Variants in TMEM52B observed in about 807,000 individuals in gnomAD.
TMEM52B encodes transmembrane protein 52B.
In TMEM52B, 11 loss-of-function variants were observed where a neutral mutation model predicts 16.1. The observed-to-expected ratio is 0.68, with a 90% CI of 0.43 to 1.13. The LOEUF (loss-of-function observed/expected upper bound fraction) is 1.13. Ranked by LOEUF, TMEM52B falls within the 50% of genes most tolerant of loss-of-function variation. TMEM52B has a pLI of 0.00. For synonymous variants in TMEM52B, 101 were observed against 93.8 expected (o/e 1.08, Z -0.45); for missense variants, 243 against 230.4 (o/e 1.05, Z -0.35).
rs1948953633 is a variant in TMEM52B at position 10,191,144 on chromosome 12, A to G, written c.*1004A>G. The G allele has an allele frequency of 6.6e-6, 1 of 152,188 alleles. No individual in the cohort carries two copies. 9.4% of individuals were successfully genotyped at this position (152,188 alleles called of 1,614,324 possible). A position where few individuals can be genotyped will look rare whatever the true frequency, so the allele number is the denominator to read the frequency against. ...CTATCCACAAAACATACCACCTCCC[A>G]AAGTATTATTATTGGAAAATCGAGG... is the stretch of plus-strand genomic sequence containing the variant. On this transcript the variant is annotated 3_prime_UTR_variant, in exon 5 of 5. Transcript: ENST00000543484.
Position 10,190,245 on chromosome 12 carries a change from C to T in TMEM52B, c.*105C>T. Reference sequence around the variant, plus strand: ...TCAGAAGTTTTAAGATGGCATCTAACACCATCATTCTATGGGAAAGATGGT... The same window carrying T: ...TCAGAAGTTTTAAGATGGCATCTAATACCATCATTCTATGGGAAAGATGGT... On this transcript the variant is annotated 3_prime_UTR_variant, in exon 5 of 5. Transcript: ENST00000543484. 1 of 1,381,054 alleles carries T rather than the reference C, an allele frequency of 7.2e-7. No homozygotes were observed. The highest frequency in any genetic ancestry group is 1.0e-6 in the Non-Finnish European group (1 of 997,674). 85.5% of individuals were successfully genotyped at this position (1,381,054 alleles called of 1,614,324 possible).
Position 10,189,881 on chromosome 12 carries a change from CT to C in TMEM52B, c.308-13del. On this transcript the variant is annotated splice_polypyrimidine_tract_variant and intron_variant, in intron 4 of 4. Transcript: ENST00000543484. Reference sequence around the variant, plus strand: ...TTCCCTTAGTTTCTTAGCTCTGTTCCTTCTTTCTTCACAGCTCTGCAGTCGG... The same window carrying C: ...TTCCCTTAGTTTCTTAGCTCTGTTCCTCTTTCTTCACAGCTCTGCAGTCGG... 6.2e-7 allele frequency: 1 copy of C among 1,612,726 alleles called. No homozygotes were observed. The highest frequency in any genetic ancestry group is 1.1e-5 in the South Asian group (1 of 91,002).
At chr12:10,177,121 A>G (rs1310521107), upstream of TMEM52B, among the ~76,000 whole-genome samples, 1 of 152,244 alleles carries the variant, frequency 6.6e-6, no homozygotes, top group Admixed American at 6.5e-5. Context: ...GAGGAATTAC[A>G]TAATAATTTA....
chr12:10,187,099 G>GTTT (rs71049057), intron 4 of TMEM52B, among the ~76,000 whole-genome samples: 36,361 of 82,174 alleles, frequency 0.44, 9,211 homozygotes, highest in Non-Finnish European at 0.52. Flanking sequence ...TTCCATGACG[G>GTTT]TTTTTTTTTT....
rs75289817 is a variant in TMEM52B at position 10,190,305 on chromosome 12, G to T, written c.*165G>T. On this transcript the variant is annotated 3_prime_UTR_variant, in exon 5 of 5. Transcript: ENST00000543484. Reference sequence around the variant, plus strand: ...TCGTTCACAGGCCTTTATATCTTCCGATACAGAATGCTCTAATTGGGAACT... The same window carrying T: ...TCGTTCACAGGCCTTTATATCTTCCTATACAGAATGCTCTAATTGGGAACT... 188 of 896,174 alleles carry T rather than the reference G, an allele frequency of 2.1e-4. No individual in the cohort carries two copies. Among genetic ancestry groups the T allele is most frequent in the South Asian group, 2.9e-4 (16 of 55,806 alleles). The allele number at this position is 896,174 out of a possible 1,614,324, so 55.5% of individuals were successfully genotyped here.
chr12:10,175,361 C>T (rs1204468239), upstream of TMEM52B: 1 of 152,128 alleles, frequency 6.6e-6, no homozygotes, highest in Non-Finnish European at 1.5e-5. Flanking sequence ...AGTGAATCTT[C>T]CCAGGCTCAC....
At chr12:10,182,426 C>T (rs1344950054) in intron 1 of TMEM52B, 124 bp from the exon 2 acceptor site, 1 of 1,392,726 alleles carries the variant, frequency 7.2e-7, no homozygotes, top group Non-Finnish European at 9.4e-7. Context: ...AATAGACTGC[C>T]CCTATGACCG....
chr12:10,175,084 G>A (rs184239487), upstream of TMEM52B, among the ~76,000 whole-genome samples: 23 of 152,180 alleles, frequency 1.5e-4, no homozygotes, highest in Non-Finnish European at 2.8e-4. Flanking sequence ...ATTTTAGAGG[G>A]CTCTCATTAT....
intron 3 of TMEM52B, 101 bp downstream of exon 3, chr12:10,185,469 A>G (rs1234852012): frequency 2.3e-6 from 2 of 870,240 alleles, no homozygotes; most frequent in South Asian, 1.4e-5. Context: ...GTAAGATTTC[A>G]TTACTTCATC....
upstream of TMEM52B, among the ~76,000 whole-genome samples, chr12:10,177,499 T>C (rs2537777): frequency 0.55 from 83,011 of 151,848 alleles, 23,440 homozygotes; most frequent in Middle Eastern, 0.72. Context: ...GCTAGAAAGG[T>C]CCTGAAAGGA....
chr12:10,178,396 G>A (rs981020896), upstream of TMEM52B, among the ~76,000 whole-genome samples: 20 of 151,700 alleles, frequency 1.3e-4, no homozygotes, highest in African/African-American at 4.3e-4. Flanking sequence ...GGTGGTGGGC[G>A]CCAGTATTCC....
In TMEM52B at chr12:10,190,302, T is replaced by C. The variant is rs2137566772; in HGVS notation, c.*162T>C. 1 of 920,246 alleles carries C rather than the reference T, an allele frequency of 1.1e-6. No homozygotes were observed. The highest frequency in any genetic ancestry group is 2.7e-5 in the East Asian group (1 of 37,676). The allele number at this position is 920,246 out of a possible 1,614,324, so 57.0% of individuals were successfully genotyped here. A position where few individuals can be genotyped will look rare whatever the true frequency, so the allele number is the denominator to read the frequency against. ...TCTTCGTTCACAGGCCTTTATATCT[T>C]CCGATACAGAATGCTCTAATTGGGA... On this transcript the variant is annotated 3_prime_UTR_variant, in exon 5 of 5. Coordinates refer to ENST00000543484, the MANE Select transcript of TMEM52B (RefSeq NM_001384896.1).
At chr12:10,176,603 T>G (rs570164491), upstream of TMEM52B, among the ~76,000 whole-genome samples, 2 of 152,178 alleles carry the variant, frequency 1.3e-5, no homozygotes, top group South Asian at 4.1e-4. Context: ...TATAAAAATA[T>G]ACAAGAGAAG....
chr12:10,171,988 C>A (rs1948724946), intron 1 of TMEM52B: 4 of 1,600,652 alleles, frequency 2.5e-6, no homozygotes, highest in Non-Finnish European at 1.7e-6. Flanking sequence ...TACACATTTT[C>A]CCATCCCTAG....
chr12:10,172,052 T>C, intron 1 of TMEM52B: 1 of 1,613,910 alleles, frequency 6.2e-7, no homozygotes, highest in Non-Finnish European at 8.5e-7. Context: ...CTTCACAGTC[T>C]GGATCTTTAG....
chr12:10,178,657 G>GAGAGAGAAAGAGAGAGAA (rs1948788459), upstream of TMEM52B, among the ~76,000 whole-genome samples: 1 of 151,726 alleles, frequency 6.6e-6, no homozygotes, highest in South Asian at 2.1e-4. Flanking sequence ...GAGAGAGAGA[G>GAGAGAGAAAGAGAGAGAA]AGAGAAAGAG....
intron 2 of TMEM52B, among the ~76,000 whole-genome samples, chr12:10,182,832 C>A (rs1011400232): frequency 2.0e-5 from 3 of 152,200 alleles, no homozygotes; most frequent in Non-Finnish European, 1.5e-5. Context: ...CAAAGCAGCA[C>A]GATTAATCTC....
chr12:10,190,261 G>T lies in TMEM52B; in HGVS notation c.*121G>T. The T allele has an allele frequency of 7.8e-7, 1 of 1,285,064 alleles. No homozygotes were observed. Among genetic ancestry groups the T allele is most frequent in the Non-Finnish European group, 1.1e-6 (1 of 923,094 alleles). The allele number at this position is 1,285,064 out of a possible 1,614,324, so 79.6% of individuals were successfully genotyped here. On this transcript the variant is annotated 3_prime_UTR_variant, in exon 5 of 5. Coordinates refer to ENST00000543484, the MANE Select transcript of TMEM52B (RefSeq NM_001384896.1). ...GGCATCTAACACCATCATTCTATGG[G>T]AAAGATGGTTCTTACTCTTCGTTCA...
chr12:10,175,551 A>G (rs1439965029), upstream of TMEM52B: 1 of 152,252 alleles, frequency 6.6e-6, no homozygotes, highest in Admixed American at 6.5e-5. Flanking sequence ...GTTACACAGC[A>G]TATCAACCTA....
Sources: gnomAD v4.1 joint callset for allele counts (sites outside exome capture counted in the v4.1 genomes callset) on GRCh38, gnomAD v4.1.1 for gene constraint, MANE v1.5 for transcripts, NCBI Gene and HGNC (gene_info 2026-07-23, HGNC 2026-07-21) for gene names.